ATXN7L1: variants seen among roughly 807,000 people sequenced by gnomAD.
The protein encoded by ATXN7L1 is ataxin 7 like 1, also known as ataxin-7-like protein 1.
Under a neutral mutation model 70.8 loss-of-function variants are expected in ATXN7L1, and 15 were observed. The ratio of observed to expected loss-of-function variants is 0.21; its 90% confidence interval spans 0.14 to 0.33. ATXN7L1 has a LOEUF of 0.33. Ranked by LOEUF, ATXN7L1 falls within the 10% of genes least tolerant of loss-of-function variation. ATXN7L1 has a pLI of 1.00. For missense variants in ATXN7L1, 975 were observed against 1,097.1 expected (o/e 0.89, Z 1.57); for synonymous variants, 440 against 445.1 (o/e 0.99, Z 0.14).
At chr7:105,757,949 G>A (rs1185847757) in intron 3 of ATXN7L1, among the ~76,000 whole-genome samples, 2 of 152,082 alleles carry the variant, frequency 1.3e-5, no homozygotes, top group Non-Finnish European at 2.9e-5. Flanking sequence ...GTACACAGTT[G>A]CTCTGTTTCA....
intron 4 of ATXN7L1, among the ~76,000 whole-genome samples, chr7:105,647,199 C>G (rs538011110): frequency 2.0e-5 from 3 of 152,302 alleles, no homozygotes; most frequent in African/African-American, 7.2e-5. Flanking sequence ...AGTTCCAGAT[C>G]TAGTTCTTGT....
At chr7:105,860,379 T>C (rs1334477932) in intron 2 of ATXN7L1, among the ~76,000 whole-genome samples, 1 of 152,036 alleles carries the variant, frequency 6.6e-6, no homozygotes, top group East Asian at 1.9e-4. Flanking sequence ...GGTAGCATTT[T>C]TTCATGGAAT....
chr7:105,657,134 T>C (rs541723125), intron 4 of ATXN7L1, among the ~76,000 whole-genome samples: 2 of 152,274 alleles, frequency 1.3e-5, no homozygotes, highest in East Asian at 1.9e-4. Flanking sequence ...GATACAGAGT[T>C]CACTTGGAGC....
At chr7:105,631,026 GA>G (rs1252525312) in intron 7 of ATXN7L1, among the ~76,000 whole-genome samples, 2 of 152,152 alleles carry the variant, frequency 1.3e-5, no homozygotes, top group Non-Finnish European at 2.9e-5. Context: ...GAAGCCAAAA[GA>G]CTGAAGAGGG....
intron 3 of ATXN7L1, among the ~76,000 whole-genome samples, chr7:105,751,189 CAT>C (rs1478402244): frequency 6.6e-6 from 1 of 152,098 alleles, no homozygotes; most frequent in African/African-American, 2.4e-5. Flanking sequence ...GGGATTACTC[CAT>C]ACTCCATGGG....
At chr7:105,760,384 C>T in intron 3 of ATXN7L1, 6 of 956,564 alleles carry the variant, frequency 6.3e-6, no homozygotes, top group Non-Finnish European at 7.5e-6. Flanking sequence ...CTGAGAGGAT[C>T]TGCAATTTAT....
intron 8 of ATXN7L1, among the ~76,000 whole-genome samples, chr7:105,623,210 C>A (rs921225380): frequency 1.3e-5 from 2 of 152,176 alleles, no homozygotes; most frequent in African/African-American, 4.8e-5. Flanking sequence ...GGGATTCACT[C>A]GATCTTGATG....
chr7:105,707,291 A>G (rs1281272182), intron 3 of ATXN7L1, among the ~76,000 whole-genome samples: 1 of 152,204 alleles, frequency 6.6e-6, no homozygotes, highest in Non-Finnish European at 1.5e-5. Context: ...CAGTTGGACC[A>G]AGGCTTGTTT....
Position 105,643,125 on chromosome 7 carries a change from A to C in ATXN7L1, c.579-4T>G. 1 of 1,504,018 alleles carries C rather than the reference A, an allele frequency of 6.6e-7. No individual in the cohort carries two copies. The highest frequency in any genetic ancestry group is 8.9e-7 in the Non-Finnish European group (1 of 1,122,214). 93.2% of individuals were successfully genotyped at this position (1,504,018 alleles called of 1,614,324 possible). On this transcript the variant is annotated splice_polypyrimidine_tract_variant and splice_region_variant and intron_variant, in intron 4 of 11. Coordinates refer to ENST00000419735, the MANE Select transcript of ATXN7L1 (RefSeq NM_020725.2). ...ACTGACTACAGGAACTGGAACACTG[A>C]AAAATAAATGAACAAACACACACAA...
At position 105,700,793 on chromosome 7, in the gene ATXN7L1, C is replaced by T. The variant is rs551490579; in HGVS notation, c.356-35505G>A. Among the ~76,000 whole-genome samples, 72 of 152,078 alleles carry T rather than the reference C, an allele frequency of 4.7e-4. 1 individual carries two copies. The South Asian group carries it at 0.014, about 30-fold the overall frequency. ...ACCTCCTGGGCTCAAGTGATCCTCC[C>T]ACCCCAGCCTCCCCAGTAGCTGCGA... is the stretch of plus-strand genomic sequence containing the variant. On this transcript the variant is annotated intron_variant, in intron 3 of 11. Transcript: ENST00000419735.
intron 2 of ATXN7L1, among the ~76,000 whole-genome samples, chr7:105,857,653 C>T (rs1815929599): frequency 2.0e-5 from 3 of 152,212 alleles, no homozygotes; most frequent in Admixed American, 2.0e-4. Context: ...GTATAATTAT[C>T]TTCTTCCTTC....
chr7:105,664,038 G>A (rs1469880619), intron 4 of ATXN7L1, among the ~76,000 whole-genome samples: 1 of 152,156 alleles, frequency 6.6e-6, no homozygotes, highest in Non-Finnish European at 1.5e-5. Context: ...CCAAAGTGCT[G>A]GGATTACAGG....
chr7:105,836,491 G>A (rs569598045), intron 2 of ATXN7L1, among the ~76,000 whole-genome samples: 49 of 152,324 alleles, frequency 3.2e-4, no homozygotes, highest in African/African-American at 1.2e-3. Context: ...ACTCCCAGCT[G>A]AGGGTGATGT....
intron 2 of ATXN7L1, among the ~76,000 whole-genome samples, chr7:105,824,830 G>C (rs887435334): frequency 6.6e-5 from 10 of 151,492 alleles, no homozygotes; most frequent in Admixed American, 5.9e-4. Context: ...ACCTCCATGG[G>C]TGTGAACCTG....
intron 2 of ATXN7L1, among the ~76,000 whole-genome samples, chr7:105,831,979 A>G (rs1483624632): frequency 6.6e-6 from 1 of 152,226 alleles, no homozygotes; most frequent in Non-Finnish European, 1.5e-5. Context: ...CAGGTCATTC[A>G]GCTGTGAGTA....
At chr7:105,645,873 G>A (rs559559366) in intron 4 of ATXN7L1, among the ~76,000 whole-genome samples, 2 of 151,610 alleles carry the variant, frequency 1.3e-5, no homozygotes, top group Admixed American at 1.3e-4. Context: ...CAGGGGTGGT[G>A]GTGCATGCCT....
chr7:105,767,033 C>T (rs528195936), intron 3 of ATXN7L1, among the ~76,000 whole-genome samples: 39 of 152,260 alleles, frequency 2.6e-4, no homozygotes, highest in African/African-American at 8.7e-4. Context: ...GGCAGGACGG[C>T]GGGCAGGAAG....
At chr7:105,620,456 A>G (rs567689194) in intron 8 of ATXN7L1, 135 bp from the exon 9 acceptor site, 2 of 892,902 alleles carry the variant, frequency 2.2e-6, no homozygotes, top group African/African-American at 1.7e-5. Context: ...ACTGAAGCCA[A>G]AAATACTTCT....
chr7:105,759,864 C>G (rs994367567), intron 3 of ATXN7L1, among the ~76,000 whole-genome samples: 3 of 151,816 alleles, frequency 2.0e-5, no homozygotes, highest in African/African-American at 7.3e-5. Context: ...TGATTTCCGC[C>G]CCCCCCAAAG....
Sources: allele counts gnomAD v4.1 joint callset (sites outside exome capture counted in the v4.1 genomes callset), GRCh38; gene constraint gnomAD v4.1.1; transcripts MANE v1.5; gene names NCBI Gene and HGNC (gene_info 2026-07-23, HGNC 2026-07-21).